Variants in MCC observed in about 807,000 individuals in gnomAD.
MCC encodes the protein MCC regulator of Wnt signaling pathway, also known as colorectal mutant cancer protein.
MCC carries 90 observed loss-of-function variants against 116.2 expected under a neutral mutation model. The ratio of observed to expected loss-of-function variants is 0.77; its 90% confidence interval spans 0.65 to 0.92. The LOEUF is 0.92. Ranked by LOEUF, MCC falls within the 40% of genes least tolerant of loss-of-function variation. The pLI, the probability that MCC is intolerant of heterozygous loss-of-function variation, is 0.00. For synonymous variants in MCC, 578 were observed against 510.5 expected (o/e 1.13, Z -1.78); for missense variants, 1,516 against 1,312.2 (o/e 1.16, Z -2.40).
chr5:113,342,251 T>G (rs2150379358), intron 2 of MCC, among the ~76,000 whole-genome samples: 1 of 152,352 alleles, frequency 6.6e-6, no homozygotes, highest in East Asian at 1.9e-4. Context: ...TGATGGGCAT[T>G]TGGTCTGGTT....
At chr5:113,452,073 A>C (rs1771415613) in intron 1 of MCC, among the ~76,000 whole-genome samples, 1 of 152,094 alleles carries the variant, frequency 6.6e-6, no homozygotes, top group Non-Finnish European at 1.5e-5. Context: ...TTTCCTCATG[A>C]TTTGTCCAGC....
In MCC at chr5:113,481,382, CTAAA is replaced by C. The variant is rs574852080; in HGVS notation, c.170+6859_170+6862del. Among the ~76,000 whole-genome samples the C allele has an allele frequency of 8.8e-4, 134 of 152,172 alleles. 1 individual carries two copies. Among genetic ancestry groups the C allele is most frequent in the African/African-American group, 3.2e-3 (133 of 41,530 alleles). ...TCTAAAAGAAATAATTAGAAACAATCTAAATAGTCAACAACAGAACAATAATTAA... is the reference window on the plus strand; with the variant it reads ...TCTAAAAGAAATAATTAGAAACAATCTAGTCAACAACAGAACAATAATTAA... On this transcript the variant is annotated intron_variant, in intron 1 of 18. Transcript: ENST00000408903.
chr5:113,342,484 G>A (rs1768041664), intron 2 of MCC, among the ~76,000 whole-genome samples: 1 of 152,112 alleles, frequency 6.6e-6, no homozygotes, highest in African/African-American at 2.4e-5. Context: ...TATTACAGAC[G>A]ATTAGAAGGT....
chr5:113,025,886 A>G lies in MCC; in HGVS notation c.*1416T>C, dbSNP rs529297975. The G allele has an allele frequency of 3.3e-5, 5 of 152,306 alleles. No individual in the cohort carries two copies. Among genetic ancestry groups the G allele is most frequent in the African/African-American group, 9.6e-5 (4 of 41,554 alleles). 9.4% of individuals were successfully genotyped at this position (152,306 alleles called of 1,614,324 possible). ...AGACCTACCCGTAGCTTATGGACAT[A>G]AAGACTCTATGCAGAAACCTCCTCA... is the stretch of plus-strand genomic sequence containing the variant. On this transcript the variant is annotated 3_prime_UTR_variant, in exon 19 of 19. Transcript: ENST00000408903.
rs112464620 is a variant in MCC at position 113,122,718 on chromosome 5, G to C, written c.993C>G (p.Pro331=). 2.5e-6 allele frequency: 4 copies of C among 1,614,120 alleles called. No homozygotes were observed. Among genetic ancestry groups the C allele is most frequent in the Non-Finnish European group, 2.5e-6 (3 of 1,180,010 alleles). The change falls in exon 6 of 19, where the codon CCC becomes CCG. Residue 331 remains proline (P), a synonymous_variant. Transcript: ENST00000408903. ...CAGTAACCATGGTAGACTGGTTTTC[G>C]GGGATAGAGACAGAGGTCTGGTCTT... The part of the protein sequence containing the change: ...MDQDQTSVSI[P]ENQSTMVTAD...
chr5:113,039,188 G>A (rs1751517423), intron 17 of MCC, among the ~76,000 whole-genome samples: 1 of 152,180 alleles, frequency 6.6e-6, no homozygotes, highest in African/African-American at 2.4e-5. Context: ...CACTGAGGAA[G>A]CACAGATCCT....
At chr5:113,046,905 A>G (rs1580918046) in intron 16 of MCC, among the ~76,000 whole-genome samples, 1 of 152,022 alleles carries the variant, frequency 6.6e-6, no homozygotes. Flanking sequence ...GTATCACATC[A>G]TCTCTTGCTG....
intron 3 of MCC, among the ~76,000 whole-genome samples, chr5:113,186,416 C>G (rs912692429): frequency 6.6e-6 from 1 of 152,102 alleles, no homozygotes; most frequent in Admixed American, 6.5e-5. Flanking sequence ...TCCCAAGGCC[C>G]GCAGCAGCCA....
chr5:113,164,953 C>T (rs1056512867), intron 3 of MCC, among the ~76,000 whole-genome samples: 1 of 152,202 alleles, frequency 6.6e-6, no homozygotes, highest in Non-Finnish European at 1.5e-5. Flanking sequence ...AGGTAAAGGG[C>T]AGCCTGAACT....
intron 3 of MCC, among the ~76,000 whole-genome samples, chr5:113,194,194 T>C (rs766039878): frequency 6.6e-6 from 1 of 152,246 alleles, no homozygotes; most frequent in Non-Finnish European, 1.5e-5. Flanking sequence ...TGAATCTGTC[T>C]TGGATATGTC....
At chr5:113,161,961 CA>C (rs1381584864) in intron 3 of MCC, among the ~76,000 whole-genome samples, 1 of 152,208 alleles carries the variant, frequency 6.6e-6, no homozygotes, top group Non-Finnish European at 1.5e-5. Context: ...CTTGCCTCAC[CA>C]CAGGGCTGCT....
chr5:113,296,625 T>A (rs535336342), intron 3 of MCC, among the ~76,000 whole-genome samples: 1 of 152,126 alleles, frequency 6.6e-6, no homozygotes, highest in African/African-American at 2.4e-5. Flanking sequence ...GAGCATAAGC[T>A]GGGTGAGAAA....
intron 3 of MCC, among the ~76,000 whole-genome samples, chr5:113,249,510 T>TA (rs939897490): frequency 1.6e-4 from 25 of 152,220 alleles, no homozygotes; most frequent in Admixed American, 1.3e-4. Flanking sequence ...ATATGCCCTG[T>TA]ACCTATGTTG....
intron 17 of MCC, among the ~76,000 whole-genome samples, chr5:113,038,794 T>C (rs1422090648): frequency 6.6e-6 from 1 of 152,090 alleles, no homozygotes; most frequent in African/African-American, 2.4e-5. Context: ...GCCTACTTCT[T>C]ATTCAGCAGA....
Position 113,255,905 on chromosome 5 carries a change from T to C in MCC, c.627+84614A>G, listed in dbSNP as rs548873534. 5.9e-5 allele frequency among the ~76,000 whole-genome samples: 9 copies of C among 152,354 alleles called. 1 individual carries two copies. The South Asian group carries it at 1.9e-3, about 32-fold the overall frequency. On this transcript the variant is annotated intron_variant, in intron 3 of 18. Coordinates refer to ENST00000408903, the MANE Select transcript of MCC (RefSeq NM_001085377.2). ...GCAAAGGGAGTAATTTAGATCCATC[T>C]GGTAGTATTTCCAAACCTAGCAAAT...
chr5:113,087,534 T>G lies in MCC; in HGVS notation c.1399-2224A>C, dbSNP rs149847843. On this transcript the variant is annotated intron_variant, in intron 8 of 18. Coordinates refer to ENST00000408903, the MANE Select transcript of MCC (RefSeq NM_001085377.2). ...ACCTCATTATGCCACAAAGAGAGAC[T>G]GGGCAAAGAGAGAGGGCTCATTCAT... 6.9e-3 allele frequency among the ~76,000 whole-genome samples: 1,046 copies of G among 152,230 alleles called. 7 individuals carry two copies. Among genetic ancestry groups the G allele is most frequent in the Non-Finnish European group, 0.012 (826 of 67,994 alleles).
At chr5:113,397,178 A>T (rs572986459) in intron 1 of MCC, among the ~76,000 whole-genome samples, 1 of 152,274 alleles carries the variant, frequency 6.6e-6, no homozygotes, top group South Asian at 2.1e-4. Flanking sequence ...CATTACCTAA[A>T]CAAACAAACA....
intron 1 of MCC, among the ~76,000 whole-genome samples, chr5:113,442,702 C>T (rs1250377951): frequency 6.6e-6 from 1 of 152,176 alleles, no homozygotes; most frequent in Non-Finnish European, 1.5e-5. Flanking sequence ...GATCCAGTTT[C>T]AGTTTTCTGC....
At chr5:113,327,580 A>ATATATATATATATATATATATATG in intron 3 of MCC, among the ~76,000 whole-genome samples, 1 of 133,722 alleles carries the variant, frequency 7.5e-6, no homozygotes, top group African/African-American at 2.8e-5. Context: ...ATATATATAT[A>ATATATATATATATATATATATATG]TATATAAAAA....
Sources: gnomAD v4.1 joint callset for allele counts (sites outside exome capture counted in the v4.1 genomes callset) on GRCh38, gnomAD v4.1.1 for gene constraint, MANE v1.5 for transcripts, NCBI Gene and HGNC (gene_info 2026-07-23, HGNC 2026-07-21) for gene names.